The following ZBED6 variants were observed in gnomAD, a reference collection of about 807,000 sequenced individuals.
ZBED6 encodes zinc finger BED domain-containing protein 6.
A neutral mutation model predicts 58.4 loss-of-function variants in ZBED6; 40 were observed. That is an observed-to-expected ratio of 0.68 (90% confidence interval 0.53 to 0.89). The LOEUF is 0.89. Among genes scored for constraint, ZBED6 ranks in the 40% least tolerant of loss-of-function variants. ZBED6 has a pLI of 0.00. For missense variants in ZBED6, 1,057 were observed against 1,003.9 expected, an observed-to-expected ratio of 1.05 and a Z score of -0.71; for synonymous variants, 439 against 350.6, an observed-to-expected ratio of 1.25 and a Z score of -2.82.
chr1:203,804,154 T>G (rs1446468358), intron 1 of ZBED6, among the ~76,000 whole-genome samples: 3 of 112,218 alleles, frequency 2.7e-5, no homozygotes, highest in Non-Finnish European at 4.0e-5. Flanking sequence ...GTATATGTGT[T>G]TTTTTTTTTT....
intron 10 of ZBED6, among the ~76,000 whole-genome samples, 156 bp from the exon 11 acceptor site, chr1:203,840,150 G>T (rs532589798): frequency 1.3e-5 from 2 of 150,334 alleles, no homozygotes; most frequent in East Asian, 2.0e-4. Flanking sequence ...TGTTGGCCAG[G>T]CTGGCCTTGA....
At chr1:203,830,551 G>A (rs374943309) in intron 7 of ZBED6, among the ~76,000 whole-genome samples, 66 of 152,256 alleles carry the variant, frequency 4.3e-4, no homozygotes, top group African/African-American at 1.5e-3. Context: ...GGTGGCTCAC[G>A]CCTGTAATCC....
chr1:203,836,139 G>A (rs1364950833), intron 9 of ZBED6, among the ~76,000 whole-genome samples: 2 of 152,214 alleles, frequency 1.3e-5, no homozygotes, highest in East Asian at 1.9e-4. Context: ...TCCCAGCTGC[G>A]TGGGCAGCTG....
At chr1:203,853,481 T>G (rs1055785289) in exon 17 of ZBED6, 1 of 152,602 alleles carries the variant, frequency 6.6e-6, no homozygotes, top group African/African-American at 2.4e-5. Flanking sequence ...TTCCTTCATA[T>G]CACCTCAAGG....
At chr1:203,847,184 ATAAAGT>A (rs1558143644) in exon 12 of ZBED6, 3 of 1,612,276 alleles carry the variant, frequency 1.9e-6, no homozygotes, top group African/African-American at 1.3e-5. Flanking sequence ...GTGAAAACAG[ATAAAGT>A]TAATAAAGTT....
Position 203,799,113 on chromosome 1 carries a change from G to A in ZBED6, c.1591G>A (p.Ala531Thr). ...GGCAGTGCTTTGTGTTACAGGTTTG[G>A]CTAAAGACTGTTTGATAACCAATAT... Residue 531 changes from alanine to threonine, a missense_variant, in exon 1 of 17, where the codon GCT becomes ACT. Coordinates refer to ENST00000550078, the Ensembl canonical transcript of ZBED6. 1.3e-6 allele frequency: 2 copies of A among 1,531,700 alleles called. No homozygotes were observed. The highest frequency in any genetic ancestry group is 1.7e-6 in the Non-Finnish European group (2 of 1,142,948). The allele number at this position is 1,531,700 out of a possible 1,614,324, so 94.9% of individuals were successfully genotyped here.
At chr1:203,819,122 GTATA>G (rs1256403550) in intron 3 of ZBED6, among the ~76,000 whole-genome samples, 2 of 139,754 alleles carry the variant, frequency 1.4e-5, no homozygotes, top group African/African-American at 5.8e-5. Context: ...ACACACACGT[GTATA>G]TATACATATG....
intron 1 of ZBED6, chr1:203,806,072 G>C: frequency 2.0e-6 from 1 of 509,736 alleles, no homozygotes; most frequent in Non-Finnish European, 3.9e-6. Context: ...TTTAAAACTC[G>C]CAAGGCTTTC....
At chr1:203,806,629 A>G (rs1672435864) in intron 1 of ZBED6, among the ~76,000 whole-genome samples, 1 of 152,104 alleles carries the variant, frequency 6.6e-6, no homozygotes, top group Admixed American at 6.5e-5. Context: ...TAATGCATAT[A>G]CTAGAACATC....
chr1:203,838,954 CAAAAA>C (rs59033094), intron 10 of ZBED6, among the ~76,000 whole-genome samples: 7 of 97,942 alleles, frequency 7.1e-5, no homozygotes, highest in African/African-American at 1.3e-4. Flanking sequence ...GACTTCATCT[CAAAAA>C]AAAAAAAAAA....
chr1:203,818,170 A>G (rs560877408), intron 2 of ZBED6, among the ~76,000 whole-genome samples: 1 of 152,260 alleles, frequency 6.6e-6, no homozygotes, highest in East Asian at 1.9e-4. Flanking sequence ...GCAGTGGAGC[A>G]CAGTTATATT....
intron 2 of ZBED6, 71 bp from the exon 3 acceptor site, chr1:203,818,499 C>T: frequency 6.3e-7 from 1 of 1,595,806 alleles, no homozygotes; most frequent in Non-Finnish European, 8.6e-7. Context: ...ATTCCAGGAG[C>T]TCTTGTTATG....
intron 1 of ZBED6, among the ~76,000 whole-genome samples, chr1:203,803,325 G>T (rs1188435384): frequency 6.6e-6 from 1 of 151,982 alleles, no homozygotes; most frequent in Non-Finnish European, 1.5e-5. Context: ...CTGGGTAGCT[G>T]GGATTACAGA....
chr1:203,830,354 C>T, intron 7 of ZBED6, 151 bp downstream of exon 7: 1 of 668,440 alleles, frequency 1.5e-6, no homozygotes, highest in Non-Finnish European at 2.6e-6. Context: ...ATTGTGGTTG[C>T]TTTTAATTCA....
Position 203,849,976 on chromosome 1 carries a change from C to T in ZBED6, c.*4588C>T, listed in dbSNP as rs188389997. On this transcript the variant is annotated 3_prime_UTR_variant, in exon 14 of 17. Coordinates refer to ENST00000550078, the Ensembl canonical transcript of ZBED6. The stretch of plus-strand genomic sequence containing the variant: ...GTAGAAACCTCAGGGATTGGAGACT[C>T]ATTATTGAATGTGAAATGTGCAGCA... 6 of 1,613,936 alleles carry T rather than the reference C, an allele frequency of 3.7e-6. No individual in the cohort carries two copies. In the Admixed American group the frequency reaches 8.3e-5, roughly 22 times the overall value.
At chr1:203,798,621 G>C in exon 1 of ZBED6, 1 of 1,536,158 alleles carries the variant, frequency 6.5e-7, no homozygotes, top group South Asian at 1.2e-5. Context: ...TAGTGACTCT[G>C]ATTCAGATGA....
chr1:203,819,551 TGA>T, intron 3 of ZBED6, among the ~76,000 whole-genome samples: 1 of 83,014 alleles, frequency 1.2e-5, no homozygotes, highest in Non-Finnish European at 2.4e-5. Flanking sequence ...TTTTTTTTTT[TGA>T]GACAGAGTTT....
exon 8 of ZBED6, chr1:203,831,671 A>G (rs1488408262): frequency 6.2e-7 from 1 of 1,612,156 alleles, no homozygotes; most frequent in Admixed American, 1.7e-5. Flanking sequence ...AGGGTTCTTC[A>G]GGAGTTTCCA....
chr1:203,848,546 T>G, intron 13 of ZBED6, 139 bp downstream of exon 13: 1 of 673,370 alleles, frequency 1.5e-6, no homozygotes, highest in South Asian at 2.1e-5. Context: ...TAATTTCTTA[T>G]GAGAATTTCC....
Sources: gnomAD v4.1 joint callset for allele counts (sites outside exome capture counted in the v4.1 genomes callset) on GRCh38, gnomAD v4.1.1 for gene constraint, MANE v1.5 for transcripts, NCBI Gene and HGNC (gene_info 2026-07-23, HGNC 2026-07-21) for gene names.